The following GLRA3 variants were observed in gnomAD, a reference collection of about 807,000 sequenced individuals.
GLRA3 encodes the protein glycine receptor alpha 3.
Under a neutral mutation model 60.4 loss-of-function variants are expected in GLRA3, and 44 were observed. The observed-to-expected ratio is 0.73, with a 90% CI of 0.57 to 0.94. The LOEUF is 0.94. GLRA3 is among the 40% of genes least tolerant of loss of function. The pLI is 0.00. For missense variants in GLRA3, 508 were observed against 564.6 expected (o/e 0.90, Z 1.02); for synonymous variants, 223 against 192.9 (o/e 1.16, Z -1.29).
chr4:174,663,790 C>A (rs912929465), intron 7 of GLRA3, among the ~76,000 whole-genome samples: 1 of 152,176 alleles, frequency 6.6e-6, no homozygotes, highest in East Asian at 1.9e-4. Flanking sequence ...ACACAGCGCA[C>A]TCCCCATGGA....
intron 5 of GLRA3, among the ~76,000 whole-genome samples, chr4:174,684,487 A>G (rs1471825235): frequency 6.6e-6 from 1 of 152,204 alleles, no homozygotes; most frequent in African/African-American, 2.4e-5. Flanking sequence ...TCATATTTCT[A>G]TATGGGAGGT....
intron 3 of GLRA3, among the ~76,000 whole-genome samples, chr4:174,752,388 C>G (rs993255033): frequency 6.6e-6 from 1 of 152,022 alleles, no homozygotes; most frequent in Non-Finnish European, 1.5e-5. Context: ...CAAAGAGGCA[C>G]CTGGCTATTC....
intron 2 of GLRA3, among the ~76,000 whole-genome samples, chr4:174,779,318 C>G (rs1326379797): frequency 6.6e-6 from 1 of 152,112 alleles, no homozygotes; most frequent in East Asian, 1.9e-4. Context: ...ATCTGTACAT[C>G]ACCATCATCA....
intron 1 of GLRA3, among the ~76,000 whole-genome samples, chr4:174,808,027 CAGA>C (rs1388555167): frequency 5.3e-5 from 8 of 151,912 alleles, no homozygotes; most frequent in Admixed American, 4.6e-4. Flanking sequence ...CAGTTTTGAT[CAGA>C]AGAAGAGAGA....
chr4:174,737,097 A>T lies in GLRA3; in HGVS notation c.268-8399T>A, dbSNP rs147470802. Among the ~76,000 whole-genome samples the T allele has an allele frequency of 5.6e-3, 856 of 152,200 alleles. 5 individuals are homozygous for T. The highest frequency in any genetic ancestry group is 0.02 in the East Asian group (102 of 5,168). On this transcript the variant is annotated intron_variant, in intron 3 of 9. Coordinates refer to ENST00000274093, the MANE Select transcript of GLRA3 (RefSeq NM_006529.4). ...CTTCACACTAATCAGTGTTTTTTTT[A>T]AAATATCATATGTAATTTGGGACTA...
At chr4:174,692,205 C>T (rs958949674) in intron 5 of GLRA3, among the ~76,000 whole-genome samples, 3 of 151,322 alleles carry the variant, frequency 2.0e-5, no homozygotes, top group East Asian at 1.9e-4. Flanking sequence ...GCAGCCACCC[C>T]GTCCGGGAGG....
chr4:174,641,878 T>A lies in GLRA3; in HGVS notation c.*1908A>T, dbSNP rs1732632734. Reference sequence around the variant, plus strand: ...TAATTACCTCAAACTCTCCTGCTAATTCTCAAGGAATACAAATGACATATC... The same window carrying A: ...TAATTACCTCAAACTCTCCTGCTAAATCTCAAGGAATACAAATGACATATC... On this transcript the variant is annotated 3_prime_UTR_variant, in exon 10 of 10. Coordinates refer to ENST00000274093, the MANE Select transcript of GLRA3 (RefSeq NM_006529.4). 6.6e-6 allele frequency: 1 copy of A among 152,092 alleles called. No individual in the cohort carries two copies. The highest frequency in any genetic ancestry group is 2.4e-5 in the African/African-American group (1 of 41,444). The allele number at this position is 152,092 out of a possible 1,614,324, so 9.4% of individuals were successfully genotyped here.
At chr4:174,755,912 T>C (rs6820505) in intron 3 of GLRA3, among the ~76,000 whole-genome samples, 143,885 of 152,106 alleles carry the variant, frequency 0.95, 68,547 homozygotes, top group East Asian at 1. Flanking sequence ...AAAAAATGAG[T>C]GAAAACCAAA....
intron 1 of GLRA3, among the ~76,000 whole-genome samples, chr4:174,793,104 A>AT (rs1191336395): frequency 1.3e-5 from 2 of 152,080 alleles, no homozygotes; most frequent in African/African-American, 2.4e-5. Flanking sequence ...TCTCACAATT[A>AT]TTTTTTTGCC....
At chr4:174,755,783 A>C (rs887773667) in intron 3 of GLRA3, among the ~76,000 whole-genome samples, 2 of 152,142 alleles carry the variant, frequency 1.3e-5, no homozygotes, top group African/African-American at 4.8e-5. Context: ...GAAAGAACAA[A>C]TGAAGAGACA....
intron 7 of GLRA3, among the ~76,000 whole-genome samples, chr4:174,676,580 G>A (rs1734126300): frequency 6.6e-6 from 1 of 151,972 alleles, no homozygotes; most frequent in African/African-American, 2.4e-5. Context: ...CATAAAATAT[G>A]TGTGTTTATA....
chr4:174,789,059 C>A (rs1739229371), intron 1 of GLRA3, 116 bp from the exon 2 acceptor site: 2 of 599,354 alleles, frequency 3.3e-6, no homozygotes, highest in Middle Eastern at 2.7e-4. Flanking sequence ...AAACATAAAC[C>A]TTTAGATATC....
At chr4:174,714,458 A>G (rs1363127826) in intron 5 of GLRA3, among the ~76,000 whole-genome samples, 29 of 152,184 alleles carry the variant, frequency 1.9e-4, no homozygotes, top group Admixed American at 1.9e-3. Flanking sequence ...TTATTTAAGA[A>G]CTACTTATAA....
chr4:174,648,104 G>T (rs1732892579), intron 9 of GLRA3, among the ~76,000 whole-genome samples: 2 of 152,188 alleles, frequency 1.3e-5, no homozygotes, highest in South Asian at 4.1e-4. Context: ...TACCATTCAG[G>T]AATTACTGGC....
At chr4:174,697,691 CCT>C (rs2111035680) in intron 5 of GLRA3, among the ~76,000 whole-genome samples, 1 of 152,264 alleles carries the variant, frequency 6.6e-6, no homozygotes, top group African/African-American at 2.4e-5. Context: ...AAAGTTTCCC[CCT>C]TTCTCTTGGG....
At chr4:174,647,665 T>G (rs1020146127) in intron 9 of GLRA3, among the ~76,000 whole-genome samples, 38 of 152,142 alleles carry the variant, frequency 2.5e-4, no homozygotes, top group African/African-American at 7.5e-4. Flanking sequence ...TGATTTTAAT[T>G]TTTACATTAA....
At chr4:174,659,321 A>C (rs1733343744) in intron 7 of GLRA3, 124 bp from the exon 8 acceptor site, 2 of 678,998 alleles carry the variant, frequency 2.9e-6, no homozygotes, top group African/African-American at 1.9e-5. Context: ...AAATAAAGAA[A>C]ATGACAATTT....
At chr4:174,790,806 G>A (rs1156554353) in intron 1 of GLRA3, among the ~76,000 whole-genome samples, 1 of 143,788 alleles carries the variant, frequency 7.0e-6, no homozygotes, top group African/African-American at 2.6e-5. Flanking sequence ...TGGTGAAACC[G>A]GGTCTCTACT....
chr4:174,721,111 C>T (rs939043531), intron 4 of GLRA3, among the ~76,000 whole-genome samples: 1 of 151,722 alleles, frequency 6.6e-6, no homozygotes, highest in Non-Finnish European at 1.5e-5. Flanking sequence ...ACACTGGAAC[C>T]TCCACCTCCC....
Sources: gnomAD v4.1 joint callset for allele counts (sites outside exome capture counted in the v4.1 genomes callset) on GRCh38, gnomAD v4.1.1 for gene constraint, MANE v1.5 for transcripts, NCBI Gene and HGNC (gene_info 2026-07-23, HGNC 2026-07-21) for gene names.